The following CAPN1 variants were observed in gnomAD, a reference collection of about 807,000 sequenced individuals.
CAPN1 encodes calpain-1 catalytic subunit.
A neutral mutation model predicts 105.2 loss-of-function variants in CAPN1; 77 were observed. The observed-to-expected ratio is 0.73, with a 90% CI of 0.61 to 0.88. CAPN1 has a LOEUF of 0.88. Among genes scored for constraint, CAPN1 ranks in the 40% least tolerant of loss-of-function variants. The pLI is 0.00. For missense variants in CAPN1, 833 were observed against 976.6 expected, an observed-to-expected ratio of 0.85 and a Z score of 1.96; for synonymous variants, 355 against 388.8, an observed-to-expected ratio of 0.91 and a Z score of 1.02.
At chr11:65,182,420 C>T (rs1396185552) in intron 1 of CAPN1, 2 of 414,968 alleles carry the variant, frequency 4.8e-6, no homozygotes, top group African/African-American at 4.0e-5. Flanking sequence ...CCTGCCCCAC[C>T]TGACCTGCTG....
At chr11:65,206,138 CA>C in intron 12 of CAPN1, 1 of 528,444 alleles carries the variant, frequency 1.9e-6, no homozygotes, top group Non-Finnish European at 3.4e-6. Flanking sequence ...AGCAGAACAG[CA>C]AATGAGGTGC....
In CAPN1 at chr11:65,187,343, C is replaced by T. The variant is rs760566931; in HGVS notation, c.843+45C>T. Reference sequence around the variant, plus strand: ...CTTCCCTGAAGGGCGGTTCCTGCCCCCTGGCCTGTCCTTGCCTCTCTGGCA... The same window carrying T: ...CTTCCCTGAAGGGCGGTTCCTGCCCTCTGGCCTGTCCTTGCCTCTCTGGCA... On this transcript the variant is annotated intron_variant, in intron 7 of 21. Transcript: ENST00000279247. The T allele has an allele frequency of 5.9e-6, 8 of 1,348,612 alleles. No homozygotes were observed. The Admixed American group carries it at 1.5e-4, about 25-fold the overall frequency. The allele number at this position is 1,348,612 out of a possible 1,614,324, so 83.5% of individuals were successfully genotyped here.
At chr11:65,186,475 G>T in intron 6 of CAPN1, 137 bp downstream of exon 6, 1 of 771,378 alleles carries the variant, frequency 1.3e-6, no homozygotes, top group Non-Finnish European at 2.0e-6. Flanking sequence ...TGCATACCCT[G>T]CCTCATCCAT....
At chr11:65,185,856 A>G in intron 4 of CAPN1, 61 bp from the exon 5 acceptor site, 1 of 1,524,230 alleles carries the variant, frequency 6.6e-7, no homozygotes, top group Middle Eastern at 1.9e-4. Flanking sequence ...GGTAGGGGTA[A>G]GGATGGAGCT....
chr11:65,183,299 G>A lies in CAPN1; in HGVS notation c.337+102G>A, dbSNP rs190612316. 3.4e-5 allele frequency: 42 copies of A among 1,236,244 alleles called. No individual in the cohort carries two copies. In the East Asian group the frequency reaches 8.8e-4, roughly 26 times the overall value. 76.6% of individuals were successfully genotyped at this position (1,236,244 alleles called of 1,614,324 possible). On this transcript the variant is annotated intron_variant, in intron 3 of 21. Coordinates refer to ENST00000279247, the MANE Select transcript of CAPN1 (RefSeq NM_005186.4). ...CAACCCCTCCCTCTTGCAAGCCCAG[G>A]CAGGATCTGGCTATCAGCGCTGGGG...
Position 65,211,255 on chromosome 11 carries a change from C to T in CAPN1, c.2119-5C>T, listed in dbSNP as rs929904065. On this transcript the variant is annotated splice_region_variant and splice_polypyrimidine_tract_variant and intron_variant, in intron 21 of 21. Transcript: ENST00000279247. The stretch of plus-strand genomic sequence containing the variant: ...GCCCCAGCTGACCTGCCTGTTCTCC[C>T]GCAGTGGTTGCAGCTGACCATGTTT... 26 of 1,612,646 alleles carry T rather than the reference C, an allele frequency of 1.6e-5. No homozygotes were observed. Among genetic ancestry groups the T allele is most frequent in the Middle Eastern group, 1.6e-4 (1 of 6,080 alleles).
chr11:65,183,102 G>A, intron 2 of CAPN1, 26 bp from the exon 3 acceptor site: 1 of 1,613,502 alleles, frequency 6.2e-7, no homozygotes, highest in South Asian at 1.1e-5. Flanking sequence ...GGCTGGCCGA[G>A]GAACAGGACT....
In CAPN1 at chr11:65,211,554, G is replaced by C. The variant is rs1479668667; in HGVS notation, c.*268G>C. On this transcript the variant is annotated 3_prime_UTR_variant, in exon 22 of 22. Transcript: ENST00000279247. ...CAAGCCAGGAAGGCAGCTTTCGCTT[G>C]TTCCTGCCTCGGGACAGCCCCGGGT... The C allele has an allele frequency of 5.2e-6, 3 of 575,562 alleles. No individual in the cohort carries two copies. The highest frequency in any genetic ancestry group is 6.3e-6 in the Non-Finnish European group (2 of 319,802). 35.7% of individuals were successfully genotyped at this position (575,562 alleles called of 1,614,324 possible).
At position 65,211,067 on chromosome 11, in the gene CAPN1, A is replaced by G. The variant is rs1949041329; in HGVS notation, c.2119-193A>G. ...GGGAAAGGAGCAGGAGGGGAGGTCCAGGCCCTTGGAGGCCCCTATGGGAGC... is the reference window on the plus strand; with the variant it reads ...GGGAAAGGAGCAGGAGGGGAGGTCCGGGCCCTTGGAGGCCCCTATGGGAGC... On this transcript the variant is annotated intron_variant, in intron 21 of 21. Coordinates refer to ENST00000279247, the MANE Select transcript of CAPN1 (RefSeq NM_005186.4). 5.5e-6 allele frequency: 4 copies of G among 730,314 alleles called. No individual in the cohort carries two copies. In the South Asian group the frequency reaches 6.7e-5, roughly 12 times the overall value. 45.2% of individuals were successfully genotyped at this position (730,314 alleles called of 1,614,324 possible). A position where few individuals can be genotyped will look rare whatever the true frequency, so the allele number is the denominator to read the frequency against.
chr11:65,182,684 G>A lies in CAPN1; in HGVS notation c.-1-17G>A. 6.6e-7 allele frequency: 1 copy of A among 1,526,426 alleles called. No individual in the cohort carries two copies. The allele number at this position is 1,526,426 out of a possible 1,614,324, so 94.6% of individuals were successfully genotyped here. A position where few individuals can be genotyped will look rare whatever the true frequency, so the allele number is the denominator to read the frequency against. ...TTGGGAAGGCCTGGGTTCTGAGCAG[G>A]CCCATCTGTCCGGCAGGATGTCGGA... is the stretch of plus-strand genomic sequence containing the variant. On this transcript the variant is annotated splice_polypyrimidine_tract_variant and intron_variant, in intron 1 of 21. Transcript: ENST00000279247.
Position 65,204,820 on chromosome 11 carries a change from G to T in CAPN1, c.1303G>T (p.Gly435Cys), listed in dbSNP as rs370474989. The T allele has an allele frequency of 1.2e-6, 2 of 1,612,190 alleles. No individual in the cohort carries two copies. The highest frequency in any genetic ancestry group is 1.7e-6 in the Non-Finnish European group (2 of 1,179,258). ...QKHRRRERRFGRDMETIGFAV... is the reference protein window; with the variant it reads ...QKHRRRERRFCRDMETIGFAV... ...GCACCGTCGCCGCGAGCGCCGCTTC[G>T]GCCGCGACATGGAGACTATTGGCTT... Residue 435 changes from glycine to cysteine, a missense_variant, in exon 11 of 22, where the codon GGC (glycine) becomes TGC (cysteine). By Grantham distance (159) the Gly-to-Cys change is radical. Coordinates refer to ENST00000279247, the MANE Select transcript of CAPN1 (RefSeq NM_005186.4).
intron 6 of CAPN1, 30 bp downstream of exon 6, chr11:65,186,368 A>G: frequency 6.3e-7 from 1 of 1,577,258 alleles, no homozygotes; most frequent in African/African-American, 1.4e-5. Flanking sequence ...ATGCTTTGGT[A>G]CCCTGGAACC....
intron 12 of CAPN1, 196 bp downstream of exon 12, chr11:65,205,917 G>T: frequency 1.7e-6 from 1 of 597,754 alleles, no homozygotes. Context: ...GGTAGTCAGT[G>T]AGGGAGCTGG....
chr11:65,208,077 T>C lies in CAPN1; in HGVS notation c.1628T>C (p.Ile543Thr), dbSNP rs746417560. Residue 543 changes from isoleucine (I) to threonine (T), a missense_variant, in exon 15 of 22, where the codon ATT becomes ACT. By Grantham distance (89) the Ile-to-Thr change is moderately conservative. Transcript: ENST00000279247. The surrounding 1 kb of genome is among the most constrained non-coding windows in gnomAD (Gnocchi z 4.1). ...PDEQVLSEEE[I>T]DENFKALFRQ... is the part of the protein sequence containing the mutation. ...CAGCAAGTGCTCTCAGAAGAGGAGA[T>C]TGACGAGAACTTCAAGGCCCTCTTC... is the stretch of plus-strand genomic sequence containing the variant. The C allele has an allele frequency of 1.9e-6, 3 of 1,604,096 alleles. No homozygotes were observed. The highest frequency in any genetic ancestry group is 1.1e-5 in the South Asian group (1 of 88,978).
chr11:65,188,078 A>ACCT lies in CAPN1; in HGVS notation c.929+38_929+39insCCT. On this transcript the variant is annotated intron_variant, in intron 8 of 21. Coordinates refer to ENST00000279247, the MANE Select transcript of CAPN1 (RefSeq NM_005186.4). This position sits in a 1 kb window ranked among gnomAD's most constrained non-coding sequence, Gnocchi z 5.5. Reference sequence around the variant, plus strand: ...GGGCACTGTCTGGAGTGCCTTGGGGAAACTGTTAGGTGCCCCGACATTTCT... The same window carrying ACCT: ...GGGCACTGTCTGGAGTGCCTTGGGGACCTAACTGTTAGGTGCCCCGACATTTCT... 1 of 1,397,016 alleles carries ACCT rather than the reference A, an allele frequency of 7.2e-7. No individual in the cohort carries two copies. The highest frequency in any genetic ancestry group is 9.8e-7 in the Non-Finnish European group (1 of 1,018,502). 86.5% of individuals were successfully genotyped at this position (1,397,016 alleles called of 1,614,324 possible). A position where few individuals can be genotyped will look rare whatever the true frequency, so the allele number is the denominator to read the frequency against.
In CAPN1 at chr11:65,204,865, A is replaced by T. The variant is rs368589277; in HGVS notation, c.1341+7A>T. Reference sequence around the variant, plus strand: ...TGGCTTCGCGGTCTACGAGGTCAGGAGGGTGGATCACCGGTGGATCTCACT... The same window carrying T: ...TGGCTTCGCGGTCTACGAGGTCAGGTGGGTGGATCACCGGTGGATCTCACT... On this transcript the variant is annotated splice_region_variant and intron_variant, in intron 11 of 21. Transcript: ENST00000279247. 281 of 1,598,862 alleles carry T rather than the reference A, an allele frequency of 1.8e-4. No individual in the cohort carries two copies. Among genetic ancestry groups the T allele is most frequent in the Non-Finnish European group, 2.3e-4 (265 of 1,169,190 alleles).
intron 10 of CAPN1, among the ~76,000 whole-genome samples, chr11:65,202,033 C>T (rs1168536889): frequency 1.3e-5 from 2 of 151,678 alleles, no homozygotes; most frequent in South Asian, 2.1e-4. Flanking sequence ...CCATGTTGGC[C>T]AGGCTGGTCT....
At position 65,185,900 on chromosome 11, in the gene CAPN1, G is replaced by A. The variant is rs763071852; in HGVS notation, c.457-17G>A. On this transcript the variant is annotated splice_polypyrimidine_tract_variant and intron_variant, in intron 4 of 21. Transcript: ENST00000279247. ...GGGGATTCCAAAGCAGGTACTCACCGTGCCCCTCCCCCACAGCTGTGGCAA... is the reference window on the plus strand; with the variant it reads ...GGGGATTCCAAAGCAGGTACTCACCATGCCCCTCCCCCACAGCTGTGGCAA... 13 of 1,570,598 alleles carry A rather than the reference G, an allele frequency of 8.3e-6. No homozygotes were observed. The highest frequency in any genetic ancestry group is 2.7e-5 in the African/African-American group (2 of 73,790).
chr11:65,182,837 C>T lies in CAPN1; in HGVS notation c.136C>T (p.Arg46Trp), dbSNP rs374461873. The change falls in exon 2 of 22, where the codon CGG becomes TGG. Residue 46 changes from arginine (R) to tryptophan (W), a missense_variant. Coordinates refer to ENST00000279247, the MANE Select transcript of CAPN1 (RefSeq NM_005186.4). ...KYLGQDYEQL[R>W]VRCLQSGTLF... ...CCTGGGCCAGGATTATGAGCAGCTGCGGGTGCGATGCCTGCAGAGTGGGAC... is the reference window on the plus strand; with the variant it reads ...CCTGGGCCAGGATTATGAGCAGCTGTGGGTGCGATGCCTGCAGAGTGGGAC... 9.4e-6 allele frequency: 15 copies of T among 1,597,110 alleles called. No homozygotes were observed. The highest frequency in any genetic ancestry group is 5.4e-5 in the African/African-American group (4 of 74,476).
Sources: gnomAD v4.1 joint callset for allele counts (sites outside exome capture counted in the v4.1 genomes callset) on GRCh38, gnomAD v4.1.1 for gene constraint, Gnocchi (gnomAD v3.1) non-coding constraint, MANE v1.5 for transcripts, NCBI Gene and HGNC (gene_info 2026-07-23, HGNC 2026-07-21) for gene names.